SEPTIN11: variants seen among roughly 807,000 people sequenced by gnomAD.
SEPTIN11 encodes the protein septin 11.
SEPTIN11 carries 25 observed loss-of-function variants against 51.4 expected under a neutral mutation model. The observed-to-expected ratio is 0.49, with a 90% CI of 0.35 to 0.68. SEPTIN11 has a LOEUF of 0.68. SEPTIN11 is among the 30% of genes least tolerant of loss of function. SEPTIN11 has a pLI of 0.00. For synonymous variants in SEPTIN11, 174 were observed against 184.1 expected (o/e 0.95, Z 0.44); for missense variants, 381 against 520.8 (o/e 0.73, Z 2.61).
At chr4:76,991,085 C>T (rs184181871) in intron 1 of SEPTIN11, among the ~76,000 whole-genome samples, 28 of 152,344 alleles carry the variant, frequency 1.8e-4, no homozygotes, top group Admixed American at 1.8e-3. Flanking sequence ...GCAGCTTCTC[C>T]TGGAATGCCT....
chr4:76,978,440 C>T (rs765575754), intron 1 of SEPTIN11, among the ~76,000 whole-genome samples: 3 of 152,148 alleles, frequency 2.0e-5, no homozygotes, highest in Non-Finnish European at 4.4e-5. Context: ...GGCCAACACA[C>T]ACATCACTCT....
chr4:76,994,900 C>CTT (rs55728971), intron 1 of SEPTIN11, among the ~76,000 whole-genome samples: 1,681 of 54,894 alleles, frequency 0.031, 82 homozygotes, highest in African/African-American at 0.05. Flanking sequence ...CTGTACAAAG[C>CTT]TTTTTTTTTT....
rs150030514 is a variant in SEPTIN11, at chr4:76,990,219, C to T, written c.28-6206C>T. 2.5e-3 allele frequency among the ~76,000 whole-genome samples: 388 copies of T among 152,224 alleles called. 1 individual carries two copies. The highest frequency in any genetic ancestry group is 8.9e-3 in the African/African-American group (368 of 41,538). ...GCGTTTTACAGAGTGCTGATTGGTG[C>T]ATTTTACAATCCTTTTGCTACAGAG... On this transcript the variant is annotated intron_variant, in intron 1 of 9. Coordinates refer to ENST00000264893, the MANE Select transcript of SEPTIN11 (RefSeq NM_018243.4).
At chr4:77,034,231 C>T (rs1726878712) in intron 9 of SEPTIN11, among the ~76,000 whole-genome samples, 2 of 152,206 alleles carry the variant, frequency 1.3e-5, no homozygotes, top group Non-Finnish European at 2.9e-5. Context: ...TCCCACTAGA[C>T]ATGCAGTGGT....
At chr4:76,980,571 C>G (rs187699715) in intron 1 of SEPTIN11, among the ~76,000 whole-genome samples, 1 of 152,162 alleles carries the variant, frequency 6.6e-6, no homozygotes, top group Non-Finnish European at 1.5e-5. Flanking sequence ...AGGCTTAACT[C>G]TGTGTAGCCA....
chr4:77,014,737 G>A (rs1725099397), intron 4 of SEPTIN11, 119 bp from the exon 5 acceptor site: 3 of 962,188 alleles, frequency 3.1e-6, no homozygotes, highest in South Asian at 3.0e-5. Flanking sequence ...ATATAAGTAG[G>A]AAACATCTTT....
intron 1 of SEPTIN11, among the ~76,000 whole-genome samples, chr4:76,992,122 T>G (rs949608149): frequency 9.2e-5 from 14 of 152,226 alleles, no homozygotes; most frequent in African/African-American, 3.4e-4. Flanking sequence ...TGTTGGCACT[T>G]TCTTTTCAAA....
intron 5 of SEPTIN11, among the ~76,000 whole-genome samples, chr4:77,015,890 A>G (rs1008634067): frequency 6.6e-6 from 1 of 152,192 alleles, no homozygotes; most frequent in Admixed American, 6.5e-5. Context: ...AAGATCACCA[A>G]GGGGTTTTGG....
Position 77,037,279 on chromosome 4 carries a change from T to C in SEPTIN11, c.*2767T>C. 1 of 746,882 alleles carries C rather than the reference T, an allele frequency of 1.3e-6. No homozygotes were observed. The highest frequency in any genetic ancestry group is 1.6e-6 in the Non-Finnish European group (1 of 612,300). 46.3% of individuals were successfully genotyped at this position (746,882 alleles called of 1,614,324 possible). On this transcript the variant is annotated 3_prime_UTR_variant, in exon 10 of 10. Coordinates refer to ENST00000264893, the MANE Select transcript of SEPTIN11 (RefSeq NM_018243.4). ...TGGGAGGCTAAGTCAGGAGAATTGC[T>C]TGAACTTGGGAGATGGAGGTTGCAG...
chr4:77,009,002 G>C (rs1231426123), intron 3 of SEPTIN11, among the ~76,000 whole-genome samples: 2 of 152,222 alleles, frequency 1.3e-5, no homozygotes, highest in South Asian at 2.1e-4. Context: ...ACAGGATGAT[G>C]ATGAGGAGTA....
chr4:77,036,598 A>G lies in SEPTIN11; in HGVS notation c.*2086A>G, dbSNP rs1379533567. ...TTTGCATTAAATTTTTCCCAGCAAA[A>G]TAAATCATATGGCGAGTCAGGGAAT... On this transcript the variant is annotated 3_prime_UTR_variant, in exon 10 of 10. Transcript: ENST00000264893. The G allele has an allele frequency of 6.9e-6, 10 of 1,438,932 alleles. No individual in the cohort carries two copies. The East Asian group carries it at 2.1e-4, about 30-fold the overall frequency. 89.1% of individuals were successfully genotyped at this position (1,438,932 alleles called of 1,614,324 possible). A position where few individuals can be genotyped will look rare whatever the true frequency, so the allele number is the denominator to read the frequency against.
chr4:76,981,852 T>C (rs1441692591), intron 1 of SEPTIN11, among the ~76,000 whole-genome samples: 1 of 152,098 alleles, frequency 6.6e-6, no homozygotes, highest in East Asian at 1.9e-4. Context: ...GGCAATTCTA[T>C]ACTCATGATC....
chr4:77,028,796 G>A, intron 8 of SEPTIN11, 35 bp downstream of exon 8: 1 of 1,581,412 alleles, frequency 6.3e-7, no homozygotes, highest in Non-Finnish European at 8.6e-7. Context: ...GGAAAGATTT[G>A]TAAGAGAGAG....
chr4:77,038,047 T>G lies in SEPTIN11; in HGVS notation c.*3535T>G. ...ACCGACCCACGTCCTGCTGTCTCTG[T>G]GTGGTCCTACAAAAACTGTCCATTC... On this transcript the variant is annotated 3_prime_UTR_variant, in exon 10 of 10. Transcript: ENST00000264893. 1.0e-6 allele frequency: 1 copy of G among 985,868 alleles called. No homozygotes were observed. Among genetic ancestry groups the G allele is most frequent in the Non-Finnish European group, 1.2e-6 (1 of 829,944 alleles). 61.1% of individuals were successfully genotyped at this position (985,868 alleles called of 1,614,324 possible).
At position 77,030,887 on chromosome 4, in the gene SEPTIN11, G is replaced by A; in HGVS notation, c.1191G>A (p.Lys397=). Residue 397 remains lysine, a synonymous_variant, in exon 9 of 10, where the codon AAG becomes AAA. Coordinates refer to ENST00000264893, the MANE Select transcript of SEPTIN11 (RefSeq NM_018243.4). ...ELEEEVNNFQ[K]KKAAAQLLQS... ...AGGAGGAGGTGAACAACTTCCAGAA[G>A]AAGAAAGCAGCGGCTCAGTTACTAC... The A allele has an allele frequency of 6.2e-7, 1 of 1,613,778 alleles. No homozygotes were observed. The highest frequency in any genetic ancestry group is 8.5e-7 in the Non-Finnish European group (1 of 1,179,940).
intron 5 of SEPTIN11, among the ~76,000 whole-genome samples, 155 bp from the exon 6 acceptor site, chr4:77,019,010 G>A (rs1000850804): frequency 6.6e-6 from 1 of 152,136 alleles, no homozygotes; most frequent in African/African-American, 2.4e-5. Flanking sequence ...GTTATAAGGG[G>A]GGTGGGATAC....
chr4:77,002,485 G>A (rs2703102), intron 2 of SEPTIN11, among the ~76,000 whole-genome samples: 2 of 151,992 alleles, frequency 1.3e-5, no homozygotes, highest in Non-Finnish European at 2.9e-5. Context: ...AACTTTTATA[G>A]GGCAGATCTG....
intron 1 of SEPTIN11, among the ~76,000 whole-genome samples, chr4:76,952,946 G>A (rs923504436): frequency 6.6e-6 from 1 of 152,184 alleles, no homozygotes; most frequent in African/African-American, 2.4e-5. Context: ...TGTAGCTGAT[G>A]GCCTCTCCTA....
At chr4:76,958,309 C>T (rs1427707141) in intron 1 of SEPTIN11, among the ~76,000 whole-genome samples, 1 of 152,202 alleles carries the variant, frequency 6.6e-6, no homozygotes, top group Non-Finnish European at 1.5e-5. Context: ...GGGGGCAACC[C>T]CCTTGAGATG....
Sources: allele counts gnomAD v4.1 joint callset (sites outside exome capture counted in the v4.1 genomes callset), GRCh38; gene constraint gnomAD v4.1.1; transcripts MANE v1.5; gene names NCBI Gene and HGNC (gene_info 2026-07-23, HGNC 2026-07-21).